The following AQP7 variants were observed in gnomAD, a reference collection of about 807,000 sequenced individuals.
AQP7 encodes aquaporin-7.
AQP7 carries 22 observed loss-of-function variants against 26.1 expected under a neutral mutation model. The ratio of observed to expected loss-of-function variants is 0.84; its 90% CI spans 0.60 to 1.20. AQP7 has a LOEUF of 1.20. Among genes scored for constraint, AQP7 ranks in the 50% most tolerant of loss-of-function variants. AQP7 has a pLI of 0.00. For synonymous variants in AQP7, 167 were observed against 181.7 expected (o/e 0.92, Z 0.65); for missense variants, 412 against 457.5 (o/e 0.90, Z 0.91).
chr9:33,395,499 G>A (rs1415164839), intron 2 of AQP7: 11 of 372,608 alleles, frequency 3.0e-5, no homozygotes, highest in Admixed American at 1.2e-4. Context: ...TGCAATCCAC[G>A]GTGCCAACAA....
intron 3 of AQP7, among the ~76,000 whole-genome samples, chr9:33,389,120 C>A (rs932238586): frequency 1.3e-5 from 2 of 151,744 alleles, no homozygotes; most frequent in Non-Finnish European, 2.9e-5. Context: ...CTCCAACTCC[C>A]GGGTTCAAGT....
chr9:33,400,030 G>T (rs1220829355), intron 2 of AQP7, among the ~76,000 whole-genome samples: 4 of 152,110 alleles, frequency 2.6e-5, no homozygotes, highest in African/African-American at 9.7e-5. Flanking sequence ...GCAGGGGGCG[G>T]AGGAGGCTGT....
chr9:33,400,554 G>T (rs1295549733), intron 2 of AQP7, among the ~76,000 whole-genome samples: 1 of 152,154 alleles, frequency 6.6e-6, no homozygotes, highest in African/African-American at 2.4e-5. Context: ...GGCCAAGGCG[G>T]GTGGATCACC....
At chr9:33,393,444 C>G (rs1248196485) in intron 3 of AQP7, among the ~76,000 whole-genome samples, 1 of 152,210 alleles carries the variant, frequency 6.6e-6, no homozygotes, top group Non-Finnish European at 1.5e-5. Flanking sequence ...CCCGGTGTTC[C>G]GATTTCCTGT....
At position 33,384,887 on chromosome 9, in the gene AQP7, C is replaced by T. The variant is rs186103585; in HGVS notation, c.*118G>A. The T allele has an allele frequency of 1.5e-5, 18 of 1,229,186 alleles. No individual in the cohort carries two copies. In the Admixed American group the frequency reaches 3.3e-4, roughly 22 times the overall value. The allele number at this position is 1,229,186 out of a possible 1,614,324, so 76.1% of individuals were successfully genotyped here. On this transcript the variant is annotated 3_prime_UTR_variant, in exon 8 of 8. Transcript: ENST00000297988. Reference sequence around the variant, plus strand: ...CTTGGGCTAAGACATAGCCCTGGAGCTCCTGTAAGAACCCAGGAGGGAAGC... The same window carrying T: ...CTTGGGCTAAGACATAGCCCTGGAGTTCCTGTAAGAACCCAGGAGGGAAGC...
chr9:33,401,176 A>C, intron 2 of AQP7, 61 bp downstream of exon 2: 1 of 1,526,126 alleles, frequency 6.6e-7, no homozygotes, highest in Admixed American at 2.0e-5. Context: ...CAGGGAGGGC[A>C]CTGAAGTGGG....
rs1587136788 is a variant in AQP7 at position 33,395,201 on chromosome 9, A to G, written c.27-6T>C. ...TTTTGGAGCCACGGGTGGACCTAAG[A>G]CAGTGGCCCGAGCCCATGGACAGAA... On this transcript the variant is annotated splice_polypyrimidine_tract_variant and splice_region_variant and intron_variant, in intron 2 of 7. Transcript: ENST00000297988. The G allele has an allele frequency of 3.7e-6, 6 of 1,606,576 alleles. No individual in the cohort carries two copies. In the East Asian group the frequency reaches 1.1e-4, roughly 30 times the overall value.
chr9:33,388,908 G>A (rs1330015217), intron 3 of AQP7, among the ~76,000 whole-genome samples: 1 of 152,220 alleles, frequency 6.6e-6, no homozygotes, highest in African/African-American at 2.4e-5. Context: ...CCAGGCTGGA[G>A]TGCAGTGCCA....
intron 2 of AQP7, among the ~76,000 whole-genome samples, chr9:33,396,439 A>T (rs1428539483): frequency 1.3e-5 from 1 of 75,008 alleles, no homozygotes; most frequent in Admixed American, 1.5e-4. Context: ...ACTCCATCTC[A>T]AAAAAAAAAA....
chr9:33,385,172 C>G lies in AQP7; in HGVS notation c.862G>C (p.Glu288Gln), dbSNP rs1824623567. 6.2e-7 allele frequency: 1 copy of G among 1,611,940 alleles called. No homozygotes were observed. The highest frequency in any genetic ancestry group is 8.5e-7 in the Non-Finnish European group (1 of 1,179,838). The change falls in exon 8 of 8, where the codon GAG (glutamate) becomes CAG (glutamine). Residue 288 changes from glutamate to glutamine, a missense_variant. Physicochemically the swap from Glu to Gln is conservative, Grantham distance 29. Transcript: ENST00000297988. ...TGGTCTTCATACGCCACAGAATCCT[C>G]CAATTTCAGGGGCTCCCGTGGGATG... ...STIPREPLKLEDSVAYEDHGI... is the reference protein window; with the variant it reads ...STIPREPLKLQDSVAYEDHGI...
At position 33,385,871 on chromosome 9, in the gene AQP7, G is replaced by A. The variant is rs376269162; in HGVS notation, c.526-5C>T. 6 of 1,603,116 alleles carry A rather than the reference G, an allele frequency of 3.7e-6. No individual in the cohort carries two copies. The highest frequency in any genetic ancestry group is 5.1e-6 in the Non-Finnish European group (6 of 1,172,854). On this transcript the variant is annotated splice_polypyrimidine_tract_variant and splice_region_variant and intron_variant, in intron 6 of 7. Coordinates refer to ENST00000297988, the MANE Select transcript of AQP7 (RefSeq NM_001170.3). Reference sequence around the variant, plus strand: ...GAGCATCCCGGTCAGCCACGCCTGAGGAGCAGATGCTGTGGCAGCTCACCT... The same window carrying A: ...GAGCATCCCGGTCAGCCACGCCTGAAGAGCAGATGCTGTGGCAGCTCACCT...
chr9:33,399,516 G>A (rs867102764), intron 2 of AQP7, among the ~76,000 whole-genome samples: 6 of 151,688 alleles, frequency 4.0e-5, no homozygotes, highest in African/African-American at 1.2e-4. Flanking sequence ...CATGAGAATC[G>A]CTTGAACCCA....
intron 3 of AQP7, among the ~76,000 whole-genome samples, chr9:33,390,454 T>C (rs1365309913): frequency 6.7e-6 from 1 of 149,542 alleles, no homozygotes; most frequent in Non-Finnish European, 1.5e-5. Flanking sequence ...AAGCAGCAGA[T>C]CAAGCCATTT....
At chr9:33,388,910 G>A (rs958649632) in intron 3 of AQP7, among the ~76,000 whole-genome samples, 1 of 152,208 alleles carries the variant, frequency 6.6e-6, no homozygotes, top group African/African-American at 2.4e-5. Flanking sequence ...AGGCTGGAGT[G>A]CAGTGCCATG....
intron 3 of AQP7, among the ~76,000 whole-genome samples, chr9:33,390,683 G>C (rs553062090): frequency 2.6e-4 from 39 of 152,252 alleles, no homozygotes; most frequent in Admixed American, 9.8e-4. Flanking sequence ...GGGGGTGCAG[G>C]GGGGAGTGAG....
At chr9:33,393,955 C>G (rs1298150291) in intron 3 of AQP7, 1 of 152,540 alleles carries the variant, frequency 6.6e-6, no homozygotes, top group Non-Finnish European at 1.5e-5. Context: ...CCTCAGGGCT[C>G]TGTCCTCAAC....
At chr9:33,395,687 C>T (rs2890561) in intron 2 of AQP7, among the ~76,000 whole-genome samples, 1 of 152,188 alleles carries the variant, frequency 6.6e-6, no homozygotes, top group Non-Finnish European at 1.5e-5. Context: ...AGTCTGCTGC[C>T]GAGCTCTATA....
At chr9:33,398,564 G>T (rs1232150514) in intron 2 of AQP7, among the ~76,000 whole-genome samples, 8 of 152,302 alleles carry the variant, frequency 5.3e-5, no homozygotes, top group East Asian at 3.9e-4. Flanking sequence ...AGAGGGAAGA[G>T]AGCGGGGCAG....
chr9:33,396,941 A>G (rs1467324766), intron 2 of AQP7, among the ~76,000 whole-genome samples: 1 of 151,856 alleles, frequency 6.6e-6, no homozygotes, highest in Non-Finnish European at 1.5e-5. Flanking sequence ...ACAAAAAAAA[A>G]AATACAAAAA....
Sources: gnomAD v4.1 joint callset for allele counts (sites outside exome capture counted in the v4.1 genomes callset) on GRCh38, gnomAD v4.1.1 for gene constraint, MANE v1.5 for transcripts, NCBI Gene and HGNC (gene_info 2026-07-23, HGNC 2026-07-21) for gene names.